The following MALRD1 variants were observed in gnomAD, a reference collection of about 807,000 sequenced individuals.
The protein encoded by MALRD1 is MAM and LDL-receptor class A domain-containing protein 1.
Under a neutral mutation model 242.1 loss-of-function variants are expected in MALRD1, and 247 were observed. The observed-to-expected ratio is 1.02, with a 90% CI of 0.92 to 1.13. The LOEUF (loss-of-function observed/expected upper bound fraction) is 1.13. Ranked by LOEUF, MALRD1 falls within the 50% of genes most tolerant of loss-of-function variation. MALRD1 has a pLI of 0.00. For synonymous variants in MALRD1, 995 were observed against 866.6 expected, an observed-to-expected ratio of 1.15 and a Z score of -2.60; for missense variants, 2,989 against 2,533.1, an observed-to-expected ratio of 1.18 and a Z score of -3.86.
chr10:19,171,326 G>C (rs1298407007), intron 13 of MALRD1, among the ~76,000 whole-genome samples: 3 of 150,632 alleles, frequency 2.0e-5, no homozygotes, highest in Non-Finnish European at 4.4e-5. Context: ...ATCTGTGGTT[G>C]AAACAGCTCT....
intron 39 of MALRD1, among the ~76,000 whole-genome samples, chr10:19,731,684 TAAGTA>T (rs1835303344): frequency 6.6e-6 from 1 of 152,168 alleles, no homozygotes; most frequent in African/African-American, 2.4e-5. Context: ...ATTCCTTTCT[TAAGTA>T]AGTGTTATGA....
chr10:19,287,041 A>G (rs1024196069), intron 21 of MALRD1, among the ~76,000 whole-genome samples: 3 of 152,162 alleles, frequency 2.0e-5, no homozygotes, highest in Non-Finnish European at 4.4e-5. Context: ...AATGTAATAC[A>G]TACCAACTTT....
At chr10:19,240,686 G>A (rs1219791600) in intron 18 of MALRD1, among the ~76,000 whole-genome samples, 1 of 152,022 alleles carries the variant, frequency 6.6e-6, no homozygotes, top group African/African-American at 2.4e-5. Context: ...CCATAAATAA[G>A]ATGTTAGCTG....
chr10:19,128,299 T>C lies in MALRD1; in HGVS notation c.1022T>C (p.Val341Ala). 3 of 1,233,506 alleles carry C rather than the reference T, an allele frequency of 2.4e-6. No individual in the cohort carries two copies. Among genetic ancestry groups the C allele is most frequent in the Non-Finnish European group, 3.0e-6 (3 of 987,840 alleles). 76.4% of individuals were successfully genotyped at this position (1,233,506 alleles called of 1,614,324 possible). ...LDSRAYLNSS[V>A]CHCLGKSCHL... ...AGCAGGGCTTACCTAAATAGCTCTG[T>C]GTGTCATTGCCTGGGCAAGAGCTGT... Residue 341 changes from valine to alanine, a missense_variant, in exon 8 of 40, where the codon GTG becomes GCG. Val to Ala is a moderately conservative substitution (Grantham distance 64, BLOSUM62 0). Coordinates refer to ENST00000454679, the MANE Select transcript of MALRD1 (RefSeq NM_001142308.3).
At chr10:19,489,846 G>T (rs1371904888) in intron 29 of MALRD1, among the ~76,000 whole-genome samples, 3 of 152,092 alleles carry the variant, frequency 2.0e-5, no homozygotes, top group Non-Finnish European at 4.4e-5. Flanking sequence ...CTCCTTGATC[G>T]TGGCTCTGCT....
rs182734407 is a variant in MALRD1 at position 19,401,815 on chromosome 10, C to A, written c.4845+12206C>A. Reference sequence around the variant, plus strand: ...TGATACGACTTTAAGATTGATCAAACAATCAAAAGAGAGTTATTTAATCAA... The same window carrying A: ...TGATACGACTTTAAGATTGATCAAAAAATCAAAAGAGAGTTATTTAATCAA... On this transcript the variant is annotated intron_variant, in intron 28 of 39. Coordinates refer to ENST00000454679, the MANE Select transcript of MALRD1 (RefSeq NM_001142308.3). Among the ~76,000 whole-genome samples the A allele has an allele frequency of 4.0e-3, 439 of 109,574 alleles. 2 individuals are homozygous for A. Among genetic ancestry groups the A allele is most frequent in the African/African-American group, 0.013 (428 of 32,592 alleles). The allele number at this position is 109,574 out of a possible 152,430, so 71.9% of individuals were successfully genotyped here. A position where few individuals can be genotyped will look rare whatever the true frequency, so the allele number is the denominator to read the frequency against.
In MALRD1 at chr10:19,128,330, T is replaced by G. The variant is rs1837346658; in HGVS notation, c.1053T>G (p.Leu351=). 8.1e-7 allele frequency: 1 copy of G among 1,233,326 alleles called. No homozygotes were observed. Among genetic ancestry groups the G allele is most frequent in the South Asian group, 4.1e-5 (1 of 24,410 alleles). The allele number at this position is 1,233,326 out of a possible 1,614,324, so 76.4% of individuals were successfully genotyped here. A position where few individuals can be genotyped will look rare whatever the true frequency, so the allele number is the denominator to read the frequency against. ...ATTGCCTGGGCAAGAGCTGTCATCT[T>G]CAATTCTATTATGCAATGGAAAGCA... ...VCHCLGKSCH[L]QFYYAMESSV... Residue 351 remains leucine, a synonymous_variant, in exon 8 of 40, where the codon CTT becomes CTG. Transcript: ENST00000454679.
chr10:19,156,482 G>A lies in MALRD1; in HGVS notation c.1656+1310G>A, dbSNP rs1330675938. On this transcript the variant is annotated intron_variant, in intron 12 of 39. Transcript: ENST00000454679. ...AGAGCGTTTTTTTTTTTTTTTTTGAGGGGAAACTCCAGAAGCACTTATTCT... is the reference window on the plus strand; with the variant it reads ...AGAGCGTTTTTTTTTTTTTTTTTGAAGGGAAACTCCAGAAGCACTTATTCT... Among the ~76,000 whole-genome samples the A allele has an allele frequency of 4.2e-5, 6 of 143,084 alleles. No individual in the cohort carries two copies. In the South Asian group the frequency reaches 1.1e-3, roughly 26 times the overall value. 93.9% of individuals were successfully genotyped at this position (143,084 alleles called of 152,430 possible).
At chr10:19,719,449 C>G (rs147523950) in intron 38 of MALRD1, among the ~76,000 whole-genome samples, 1 of 151,556 alleles carries the variant, frequency 6.6e-6, no homozygotes, top group Non-Finnish European at 1.5e-5. Flanking sequence ...CCTCCATATT[C>G]CTGGGCATGT....
At chr10:19,401,236 A>G (rs1488632301) in intron 28 of MALRD1, among the ~76,000 whole-genome samples, 3 of 152,142 alleles carry the variant, frequency 2.0e-5, no homozygotes, top group Non-Finnish European at 2.9e-5. Flanking sequence ...TGATACTGTG[A>G]TTCTATTTGT....
chr10:19,668,701 A>C (rs945336514), intron 36 of MALRD1, among the ~76,000 whole-genome samples: 8 of 152,144 alleles, frequency 5.3e-5, no homozygotes, highest in Admixed American at 3.3e-4. Context: ...GGATTTAGGA[A>C]ATTATAATAC....
chr10:19,068,151 G>A (rs935325154), intron 2 of MALRD1, among the ~76,000 whole-genome samples: 48 of 151,726 alleles, frequency 3.2e-4, no homozygotes, highest in Non-Finnish European at 3.1e-4. Flanking sequence ...TACTCAGAAG[G>A]CTTTTTACAG....
At position 19,212,187 on chromosome 10, in the gene MALRD1, G is replaced by A. The variant is rs542201802; in HGVS notation, c.2991+2507G>A. Among the ~76,000 whole-genome samples the A allele has an allele frequency of 3.9e-5, 6 of 152,214 alleles. No individual in the cohort carries two copies. In the East Asian group the frequency reaches 1.2e-3, roughly 29 times the overall value. On this transcript the variant is annotated intron_variant, in intron 18 of 39. Coordinates refer to ENST00000454679, the MANE Select transcript of MALRD1 (RefSeq NM_001142308.3). ...CCATCAGCACACAACCGAGGTGATG[G>A]AAATATACTTCACCTCCAGTTTCCT...
intron 32 of MALRD1, among the ~76,000 whole-genome samples, chr10:19,544,146 T>C (rs890587469): frequency 2.0e-5 from 3 of 152,110 alleles, no homozygotes; most frequent in Non-Finnish European, 4.4e-5. Flanking sequence ...TGGTATTTTT[T>C]ATTTTTCCCC....
intron 29 of MALRD1, among the ~76,000 whole-genome samples, chr10:19,461,827 G>A (rs1835961289): frequency 1.3e-5 from 2 of 152,162 alleles, no homozygotes; most frequent in South Asian, 4.1e-4. Context: ...CTGGGTGACA[G>A]AAACTGTGTG....
intron 26 of MALRD1, among the ~76,000 whole-genome samples, chr10:19,355,961 A>AG (rs1270722658): frequency 3.4e-5 from 5 of 148,870 alleles, no homozygotes; most frequent in African/African-American, 1.2e-4. Flanking sequence ...TTAGGGTTGG[A>AG]ATGCAGACAA....
intron 5 of MALRD1, among the ~76,000 whole-genome samples, chr10:19,115,291 T>C (rs1023948487): frequency 2.6e-5 from 4 of 152,094 alleles, no homozygotes; most frequent in Non-Finnish European, 5.9e-5. Context: ...CTCCCTCTTC[T>C]TGGAGAGGAG....
At chr10:19,199,669 C>A (rs1392862744) in intron 14 of MALRD1, among the ~76,000 whole-genome samples, 1 of 152,068 alleles carries the variant, frequency 6.6e-6, no homozygotes, top group Non-Finnish European at 1.5e-5. Context: ...GGTATGGTGG[C>A]AGGCACCTGT....
chr10:19,256,573 T>G (rs1839524706), intron 18 of MALRD1, among the ~76,000 whole-genome samples: 1 of 152,072 alleles, frequency 6.6e-6, no homozygotes. Context: ...GGGGACTATA[T>G]TTGCCCACTA....
Sources: allele counts gnomAD v4.1 joint callset (sites outside exome capture counted in the v4.1 genomes callset), GRCh38; gene constraint gnomAD v4.1.1; transcripts MANE v1.5; gene names NCBI Gene and HGNC (gene_info 2026-07-23, HGNC 2026-07-21).